FAM50B: variants seen among roughly 807,000 people sequenced by gnomAD.
The protein encoded by FAM50B is family with sequence similarity 50 member B, also known as protein FAM50B.
In FAM50B, 9 loss-of-function variants were observed where a neutral mutation model predicts 25.4. That is an observed-to-expected ratio of 0.35 (90% CI 0.21 to 0.62). The LOEUF is 0.62. Among genes scored for constraint, FAM50B ranks in the 20% least tolerant of loss-of-function variants. The pLI is 0.73. For synonymous variants in FAM50B, 212 were observed against 204.3 expected, an observed-to-expected ratio of 1.04 and a Z score of -0.32; for missense variants, 372 against 477.9, an observed-to-expected ratio of 0.78 and a Z score of 2.07.
chr6:3,843,619 C>T, the FAM50B span, among the ~76,000 whole-genome samples: 3 of 152,172 alleles, frequency 2.0e-5, no homozygotes, highest in African/African-American at 7.2e-5. Context: ...AAGCTTTTCC[C>T]TTCTAGTATA....
At chr6:3,839,986 G>GTTGT in the FAM50B span, among the ~76,000 whole-genome samples, 22 of 147,680 alleles carry the variant, frequency 1.5e-4, no homozygotes, top group South Asian at 4.2e-4. Flanking sequence ...TGTTGTTGTT[G>GTTGT]TTGTTTGTTT....
At chr6:3,842,887 T>C in the FAM50B span, among the ~76,000 whole-genome samples, 5 of 152,218 alleles carry the variant, frequency 3.3e-5, no homozygotes, top group Non-Finnish European at 5.9e-5. Context: ...TCTGCAGGGA[T>C]TGAGATGTTA....
upstream of FAM50B, among the ~76,000 whole-genome samples, chr6:3,848,397 G>A (rs528728492): frequency 6.6e-6 from 1 of 152,340 alleles, no homozygotes; most frequent in Admixed American, 6.5e-5. Flanking sequence ...ACCTGTGGAG[G>A]AACGTCATTC....
chr6:3,834,912 G>T, the FAM50B span, among the ~76,000 whole-genome samples: 72 of 152,250 alleles, frequency 4.7e-4, no homozygotes, highest in African/African-American at 1.6e-3. Flanking sequence ...GAAGGTAAAT[G>T]CCAACAGTTA....
At chr6:3,839,150 C>T in the FAM50B span, among the ~76,000 whole-genome samples, 4 of 151,510 alleles carry the variant, frequency 2.6e-5, no homozygotes, top group African/African-American at 7.3e-5. Context: ...TCTGCTTCTG[C>T]GGAAGCCTCA....
the FAM50B span, among the ~76,000 whole-genome samples, chr6:3,837,791 A>G: frequency 1.3e-5 from 2 of 152,190 alleles, no homozygotes; most frequent in African/African-American, 4.8e-5. Context: ...ACTGGCTTTT[A>G]TAACAGACCC....
At position 3,850,320 on chromosome 6, in the gene FAM50B, G is replaced by T; in HGVS notation, c.509G>T (p.Arg170Leu). 2 of 1,613,326 alleles carry T rather than the reference G, an allele frequency of 1.2e-6. No individual in the cohort carries two copies. The highest frequency in any genetic ancestry group is 1.7e-6 in the Non-Finnish European group (2 of 1,179,818). The change falls in exon 2 of 2, where the codon CGC becomes CTC. Residue 170 changes from arginine (R) to leucine (L), a missense_variant. By Grantham distance (102) the Arg-to-Leu change is moderately radical (BLOSUM62 -2). Transcript: ENST00000648326. ...EEENRLREEL[R>L]QEWEAQREKV... ...GAGAACCGGCTCCGAGAGGAGCTGC[G>T]CCAAGAGTGGGAGGCGCAGCGCGAG...
chr6:3,848,540 C>A (rs1020363636), upstream of FAM50B, among the ~76,000 whole-genome samples: 2 of 152,198 alleles, frequency 1.3e-5, no homozygotes, highest in Non-Finnish European at 2.9e-5. Flanking sequence ...TGCTCACAGG[C>A]ATTGTTGCTC....
chr6:3,844,023 A>G, the FAM50B span, among the ~76,000 whole-genome samples: 1 of 152,244 alleles, frequency 6.6e-6, no homozygotes, highest in Non-Finnish European at 1.5e-5. Context: ...TGCCACTTGT[A>G]GGATAATCCG....
upstream of FAM50B, among the ~76,000 whole-genome samples, chr6:3,847,282 T>G (rs890789254): frequency 3.3e-5 from 5 of 152,260 alleles, no homozygotes; most frequent in African/African-American, 7.2e-5. Flanking sequence ...GAAGGCTATT[T>G]TGTCTACATT....
At chr6:3,833,077 C>G in the FAM50B span, among the ~76,000 whole-genome samples, 45 of 152,250 alleles carry the variant, frequency 3.0e-4, no homozygotes, top group African/African-American at 9.6e-4. Flanking sequence ...CAAGGCTGGT[C>G]TTGAACTCCT....
At chr6:3,846,779 A>C (rs1762128692), upstream of FAM50B, among the ~76,000 whole-genome samples, 1 of 152,262 alleles carries the variant, frequency 6.6e-6, no homozygotes, top group Non-Finnish European at 1.5e-5. Context: ...CATTACATAC[A>C]GCAGCTATAA....
At chr6:3,838,199 A>G in the FAM50B span, among the ~76,000 whole-genome samples, 1 of 152,210 alleles carries the variant, frequency 6.6e-6, no homozygotes, top group Non-Finnish European at 1.5e-5. Flanking sequence ...TAATAACAGC[A>G]CTTTGGGAGG....
chr6:3,850,425 A>G lies in FAM50B; in HGVS notation c.614A>G (p.Lys205Arg). Residue 205 changes from lysine (K) to arginine (R), a missense_variant, in exon 2 of 2, where the codon AAG becomes AGG. By Grantham distance (26) the Lys-to-Arg change is conservative. Transcript: ENST00000648326. The part of the protein sequence containing the change: ...SGHRRTVRVR[K>R]GNTVQQFLKK... ...CACCGGCGCACGGTGCGGGTGCGCAAGGGCAACACGGTGCAGCAGTTCCTG... is the reference window on the plus strand; with the variant it reads ...CACCGGCGCACGGTGCGGGTGCGCAGGGGCAACACGGTGCAGCAGTTCCTG... 3 of 1,613,410 alleles carry G rather than the reference A, an allele frequency of 1.9e-6. No homozygotes were observed. In the East Asian group the frequency reaches 6.7e-5, roughly 36 times the overall value.
At chr6:3,848,534 C>T (rs1234585049), upstream of FAM50B, among the ~76,000 whole-genome samples, 4 of 152,214 alleles carry the variant, frequency 2.6e-5, no homozygotes, top group Non-Finnish European at 4.4e-5. Context: ...AGGTTATGCT[C>T]ACAGGCATTG....
the FAM50B span, among the ~76,000 whole-genome samples, chr6:3,832,373 G>A: frequency 1.3e-5 from 2 of 152,184 alleles, no homozygotes; most frequent in African/African-American, 2.4e-5. Flanking sequence ...ATGGATTCAT[G>A]TAAGGAAGAC....
the FAM50B span, among the ~76,000 whole-genome samples, chr6:3,838,860 ACAC>A: frequency 3.0e-5 from 4 of 132,314 alleles, no homozygotes; most frequent in African/African-American, 1.1e-4. Context: ...AAAAAAAAAA[ACAC>A]ACACACAAGA....
rs1389027612 is a variant in FAM50B, at chr6:3,850,057, G to A, written c.246G>A (p.Arg82=). 1 of 1,612,364 alleles carries A rather than the reference G, an allele frequency of 6.2e-7. No homozygotes were observed. The highest frequency in any genetic ancestry group is 1.1e-5 in the South Asian group (1 of 90,976). ...AGGCCCGGCAGGAGGCCCTGGTCAG[G>A]GAGCGCGAGCGGCAGCTGGCCAAGC... is the stretch of plus-strand genomic sequence containing the variant. ...DMKARQEALV[R]ERERQLAKRQ... Residue 82 remains arginine (R), a synonymous_variant, in exon 2 of 2, where the codon AGG becomes AGA. Transcript: ENST00000648326.
the FAM50B span, among the ~76,000 whole-genome samples, chr6:3,834,359 C>CAAAAAAAAAAAAAAAAAAGAAAAAAAAAA: frequency 1.3e-5 from 1 of 75,046 alleles, no homozygotes; most frequent in Admixed American, 1.5e-4. Flanking sequence ...TGATATATGG[C>CAAAAAAAAAAAAAAAAAAGAAAAAAAAAA]AAAAAAAAAA....
Sources: allele counts gnomAD v4.1 joint callset (sites outside exome capture counted in the v4.1 genomes callset), GRCh38; gene constraint gnomAD v4.1.1; transcripts MANE v1.5; gene names NCBI Gene and HGNC (gene_info 2026-07-23, HGNC 2026-07-21).